Variants in PCDH15 observed in about 807,000 individuals in gnomAD.
PCDH15 encodes the protein protocadherin-15.
In PCDH15, 129 loss-of-function variants were observed where a neutral mutation model predicts 178.5. That is an observed-to-expected ratio of 0.72 (90% CI 0.63 to 0.84). The LOEUF (loss-of-function observed/expected upper bound fraction) is 0.84. Ranked by LOEUF, PCDH15 falls within the 40% of genes least tolerant of loss-of-function variation. PCDH15 has a pLI of 0.00. For synonymous variants in PCDH15, 800 were observed against 732.0 expected (o/e 1.09, Z -1.50); for missense variants, 2,230 against 2,099.9 (o/e 1.06, Z -1.21).
chr10:54,995,009 A>C (rs1804709535), intron 2 of PCDH15, among the ~76,000 whole-genome samples: 1 of 152,198 alleles, frequency 6.6e-6, no homozygotes, highest in South Asian at 2.1e-4. Flanking sequence ...TAATGACTAA[A>C]CATCTAAAGA....
At chr10:55,626,063 T>A (rs1241528343) in intron 2 of PCDH15, among the ~76,000 whole-genome samples, 1 of 151,340 alleles carries the variant, frequency 6.6e-6, no homozygotes, top group East Asian at 1.9e-4. Context: ...AGAGAAAGAA[T>A]ACAAGTAACA....
intron 2 of PCDH15, among the ~76,000 whole-genome samples, chr10:55,157,070 TA>T (rs1012661097): frequency 2.0e-5 from 3 of 152,152 alleles, no homozygotes; most frequent in Admixed American, 2.0e-4. Flanking sequence ...GTTATGTTTT[TA>T]TTACTTTCAT....
At chr10:53,900,238 C>A (rs1257008128) in intron 26 of PCDH15, among the ~76,000 whole-genome samples, 1 of 146,848 alleles carries the variant, frequency 6.8e-6, no homozygotes, top group African/African-American at 2.5e-5. Context: ...TCTCTCCCCC[C>A]CTCTCTCTGT....
intron 2 of PCDH15, among the ~76,000 whole-genome samples, chr10:54,946,669 A>G (rs923497046): frequency 6.6e-6 from 1 of 151,868 alleles, no homozygotes; most frequent in Non-Finnish European, 1.5e-5. Flanking sequence ...TTTGAAATAA[A>G]TTTGAAGAAT....
chr10:53,907,163 C>A (rs2133720262), intron 25 of PCDH15: 1 of 152,220 alleles, frequency 6.6e-6, no homozygotes, highest in African/African-American at 2.4e-5. Flanking sequence ...AGGATTGTAC[C>A]ATGTTCTTCC....
At chr10:55,220,493 G>A (rs1475046389) in intron 1 of PCDH15, among the ~76,000 whole-genome samples, 4 of 151,924 alleles carry the variant, frequency 2.6e-5, no homozygotes, top group Non-Finnish European at 5.9e-5. Context: ...CTTGTTGTAC[G>A]AACATTATAG....
At chr10:54,085,761 G>C (rs1311194933) in intron 16 of PCDH15, among the ~76,000 whole-genome samples, 1 of 151,962 alleles carries the variant, frequency 6.6e-6, no homozygotes, top group Non-Finnish European at 1.5e-5. Flanking sequence ...TCAGTACTTT[G>C]TAAAACCCTA....
intron 20 of PCDH15, among the ~76,000 whole-genome samples, chr10:54,000,364 A>T (rs2092073391): frequency 6.6e-6 from 1 of 152,172 alleles, no homozygotes; most frequent in South Asian, 2.1e-4. Flanking sequence ...ATCCTGGGGA[A>T]ACAGAGAGAG....
intron 3 of PCDH15, among the ~76,000 whole-genome samples, chr10:54,408,492 A>G (rs1953002294): frequency 9.4e-6 from 1 of 106,582 alleles, no homozygotes; most frequent in Admixed American, 9.1e-5. Flanking sequence ...ATCTATTAAC[A>G]TGTTTTACAA....
At chr10:54,795,950 C>A (rs935671102) in intron 1 of PCDH15, among the ~76,000 whole-genome samples, 1 of 151,846 alleles carries the variant, frequency 6.6e-6, no homozygotes, top group Non-Finnish European at 1.5e-5. Flanking sequence ...TGCTTGCATG[C>A]TTTATGTATG....
chr10:53,845,237 A>G (rs1233327141), intron 28 of PCDH15, among the ~76,000 whole-genome samples: 1 of 151,890 alleles, frequency 6.6e-6, no homozygotes, highest in Non-Finnish European at 1.5e-5. Flanking sequence ...CAAATGCTGT[A>G]AGGATATGGA....
intron 7 of PCDH15, among the ~76,000 whole-genome samples, chr10:54,325,495 TC>T (rs533186035): frequency 2.0e-4 from 30 of 152,032 alleles, no homozygotes; most frequent in Non-Finnish European, 3.2e-4. Context: ...ATGCGTGTAA[TC>T]CCAACACTTT....
At chr10:54,992,478 C>T (rs1245215376) in intron 2 of PCDH15, among the ~76,000 whole-genome samples, 1 of 152,066 alleles carries the variant, frequency 6.6e-6, no homozygotes, top group Admixed American at 6.6e-5. Context: ...GTTGATCGGG[C>T]GCAGCGGCTG....
chr10:53,924,306 T>C (rs1218320922), intron 25 of PCDH15, among the ~76,000 whole-genome samples: 1 of 152,178 alleles, frequency 6.6e-6, no homozygotes, highest in African/African-American at 2.4e-5. Context: ...CCCCAGGCAG[T>C]GAGGGGCTTA....
chr10:55,111,182 A>C (rs1365332078), intron 2 of PCDH15, among the ~76,000 whole-genome samples: 1 of 152,190 alleles, frequency 6.6e-6, no homozygotes, highest in African/African-American at 2.4e-5. Flanking sequence ...TTCTTCATTA[A>C]TATGTGTCTG....
At chr10:53,981,946 C>A (rs1283152434) in intron 21 of PCDH15, among the ~76,000 whole-genome samples, 5 of 151,796 alleles carry the variant, frequency 3.3e-5, no homozygotes, top group African/African-American at 9.7e-5. Flanking sequence ...TATCCAGAAT[C>A]TACAATGAAC....
intron 26 of PCDH15, among the ~76,000 whole-genome samples, chr10:53,887,124 T>C (rs911545199): frequency 2.6e-5 from 4 of 152,354 alleles, no homozygotes; most frequent in Admixed American, 2.6e-4. Context: ...ATACTGACTT[T>C]CATTCTCCCT....
At chr10:55,097,691 G>C (rs996775912) in intron 2 of PCDH15, among the ~76,000 whole-genome samples, 1 of 151,944 alleles carries the variant, frequency 6.6e-6, no homozygotes, top group African/African-American at 2.4e-5. Context: ...TCACCAGATA[G>C]ATAGATAGAT....
intron 8 of PCDH15, among the ~76,000 whole-genome samples, chr10:54,301,833 C>T (rs1046669156): frequency 6.6e-6 from 1 of 152,130 alleles, no homozygotes; most frequent in Non-Finnish European, 1.5e-5. Flanking sequence ...ACATGTAACA[C>T]TTCATAGCAC....
Sources: allele counts gnomAD v4.1 joint callset (sites outside exome capture counted in the v4.1 genomes callset), GRCh38; gene constraint gnomAD v4.1.1; transcripts MANE v1.5; gene names NCBI Gene and HGNC (gene_info 2026-07-23, HGNC 2026-07-21).